Variants in PCDHA11 observed in about 807,000 individuals in gnomAD.
PCDHA11 encodes the protein protocadherin alpha-11.
A neutral mutation model predicts 70.3 loss-of-function variants in PCDHA11; 61 were observed. The ratio of observed to expected loss-of-function variants is 0.87; its 90% CI spans 0.71 to 1.07. PCDHA11 has a LOEUF of 1.07. PCDHA11 is among the 50% of genes least tolerant of loss of function. The pLI is 0.00. For synonymous variants in PCDHA11, 633 were observed against 555.1 expected, an observed-to-expected ratio of 1.14 and a Z score of -1.97; for missense variants, 1,324 against 1,237.5, an observed-to-expected ratio of 1.07 and a Z score of -1.05.
At chr5:140,945,664 C>T (rs1342424562) in intron 1 of PCDHA11, among the ~76,000 whole-genome samples, 1 of 152,048 alleles carries the variant, frequency 6.6e-6, no homozygotes, top group Admixed American at 6.5e-5. Context: ...ATACAGCTCC[C>T]AGAAATAAAT....
At chr5:140,889,267 A>C (rs1376262292) in intron 1 of PCDHA11, among the ~76,000 whole-genome samples, 1 of 151,966 alleles carries the variant, frequency 6.6e-6, no homozygotes. Context: ...AAGTTTGTAT[A>C]ATCTTTGAAT....
chr5:140,993,463 CACACACACACACACA>C (rs2097564014), intron 3 of PCDHA11, among the ~76,000 whole-genome samples: 3 of 7,580 alleles, frequency 4.0e-4, no homozygotes, highest in African/African-American at 2.0e-3. Context: ...CTTTCTTTCT[CACACACACACACACA>C]CACACACACA....
intron 1 of PCDHA11, among the ~76,000 whole-genome samples, chr5:140,894,305 T>A (rs1318862417): frequency 6.6e-6 from 1 of 152,078 alleles, no homozygotes; most frequent in East Asian, 1.9e-4. Context: ...TCCTGGAAAG[T>A]TTTCTTAAAT....
intron 1 of PCDHA11, among the ~76,000 whole-genome samples, chr5:140,896,543 T>C (rs2065615880): frequency 6.6e-6 from 1 of 151,466 alleles, no homozygotes; most frequent in Non-Finnish European, 1.5e-5. Flanking sequence ...TTTCTTTTTT[T>C]TTTTTGTATT....
At chr5:140,906,891 T>C (rs2073026399) in intron 1 of PCDHA11, among the ~76,000 whole-genome samples, 1 of 152,152 alleles carries the variant, frequency 6.6e-6, no homozygotes, top group South Asian at 2.1e-4. Context: ...CCTTCTTAGA[T>C]TGTTGGTTTA....
In PCDHA11 at chr5:140,869,531, C is replaced by A. The variant is rs782191099; in HGVS notation, c.428C>A (p.Ala143Glu). ...CTCAGAGAACAAAAGCTGCTGATTGCGGAATCTAAGCAATCGGACTCGCGT... is the reference window on the plus strand; with the variant it reads ...CTCAGAGAACAAAAGCTGCTGATTGAGGAATCTAAGCAATCGGACTCGCGT... ...FSLREQKLLI[A>E]ESKQSDSRFP... Residue 143 changes from alanine to glutamate, a missense_variant, in exon 1 of 4, where the codon GCG (alanine) becomes GAG (glutamate). Transcript: ENST00000398640. The A allele has an allele frequency of 6.8e-6, 11 of 1,614,032 alleles. No individual in the cohort carries two copies. Among genetic ancestry groups the A allele is most frequent in the African/African-American group, 2.7e-5 (2 of 74,910 alleles).
chr5:140,902,894 A>G (rs1370660183), intron 1 of PCDHA11, among the ~76,000 whole-genome samples: 1 of 152,170 alleles, frequency 6.6e-6, no homozygotes, highest in Non-Finnish European at 1.5e-5. Flanking sequence ...CTATTATTTT[A>G]TTTAGTTTAT....
At chr5:140,956,629 G>A (rs1554222520) in intron 1 of PCDHA11, among the ~76,000 whole-genome samples, 1 of 152,060 alleles carries the variant, frequency 6.6e-6, no homozygotes, top group Non-Finnish European at 1.5e-5. Flanking sequence ...TTGCATCTCT[G>A]CCAGGTTTTG....
chr5:140,869,739 A>G lies in PCDHA11; in HGVS notation c.636A>G (p.Leu212=), dbSNP rs541641507. 5 of 1,613,386 alleles carry G rather than the reference A, an allele frequency of 3.1e-6. No individual in the cohort carries two copies. In the South Asian group the frequency reaches 5.5e-5, roughly 18 times the overall value. ...REKTPELNLL[L]TATDGGKPEL... Reference sequence around the variant, plus strand: ...AAACTCCGGAACTTAATTTGCTGCTAACAGCTACAGACGGGGGAAAACCAG... The same window carrying G: ...AAACTCCGGAACTTAATTTGCTGCTGACAGCTACAGACGGGGGAAAACCAG... The change falls in exon 1 of 4, where the codon CTA becomes CTG. Residue 212 remains leucine (L), a synonymous_variant. Transcript: ENST00000398640.
chr5:140,904,195 C>T (rs1554191353), intron 1 of PCDHA11, among the ~76,000 whole-genome samples: 1 of 151,930 alleles, frequency 6.6e-6, no homozygotes, highest in Admixed American at 6.6e-5. Context: ...CCCACCCTTT[C>T]CCCCTAAGTC....
Position 140,871,139 on chromosome 5 carries a change from C to T in PCDHA11, c.2036C>T (p.Ser679Phe), listed in dbSNP as rs782085001. 8 of 1,613,312 alleles carry T rather than the reference C, an allele frequency of 5.0e-6. No individual in the cohort carries two copies. The African/African-American group carries it at 6.7e-5, about 13-fold the overall frequency. Residue 679 changes from serine to phenylalanine, a missense_variant, in exon 1 of 4, where the codon TCC becomes TTC. By Grantham distance (155) the Ser-to-Phe change is radical. Coordinates refer to ENST00000398640, the MANE Select transcript of PCDHA11 (RefSeq NM_018902.5). ...VESGQAPKAS[S>F]RTLAGAASPE... is the part of the protein sequence containing the mutation. ...AGCGGACAGGCGCCAAAGGCCTCTTCCCGGACTTTGGCGGGCGCCGCGAGC... is the reference window on the plus strand; with the variant it reads ...AGCGGACAGGCGCCAAAGGCCTCTTTCCGGACTTTGGCGGGCGCCGCGAGC...
At chr5:140,932,471 A>G (rs1056932090) in intron 1 of PCDHA11, among the ~76,000 whole-genome samples, 11 of 152,050 alleles carry the variant, frequency 7.2e-5, no homozygotes, top group African/African-American at 1.7e-4. Flanking sequence ...TATAGGAAAT[A>G]GGATATCTCC....
At chr5:140,879,854 C>G (rs2058149387) in intron 1 of PCDHA11, among the ~76,000 whole-genome samples, 1 of 152,200 alleles carries the variant, frequency 6.6e-6, no homozygotes, top group African/African-American at 2.4e-5. Context: ...CCCATCTCAG[C>G]CTTCTCAGCT....
intron 1 of PCDHA11, chr5:140,966,800 G>A: frequency 6.5e-7 from 1 of 1,540,654 alleles, no homozygotes; most frequent in Non-Finnish European, 8.7e-7. Context: ...TGCGGCGACA[G>A]AGCATCCACG....
intron 1 of PCDHA11, among the ~76,000 whole-genome samples, chr5:140,977,448 C>G (rs1265708365): frequency 6.6e-6 from 1 of 152,212 alleles, no homozygotes; most frequent in African/African-American, 2.4e-5. Flanking sequence ...ATAATGGAAA[C>G]TCCTTTGATT....
intron 1 of PCDHA11, chr5:140,967,401 G>C: frequency 6.2e-7 from 1 of 1,611,944 alleles, no homozygotes; most frequent in Non-Finnish European, 8.5e-7. Context: ...CTGGTGCTGC[G>C]TAAGGGCCTA....
At chr5:140,948,259 G>A (rs1430770984) in intron 1 of PCDHA11, among the ~76,000 whole-genome samples, 3 of 151,464 alleles carry the variant, frequency 2.0e-5, no homozygotes, top group Non-Finnish European at 3.0e-5. Context: ...TTACATCTGT[G>A]TTCATGTAGA....
At chr5:140,973,375 C>A (rs2096584404) in intron 1 of PCDHA11, among the ~76,000 whole-genome samples, 1 of 152,182 alleles carries the variant, frequency 6.6e-6, no homozygotes, top group Admixed American at 6.5e-5. Context: ...GCACAATGGT[C>A]AGAATAGACA....
At chr5:140,897,378 C>T (rs992566047) in intron 1 of PCDHA11, among the ~76,000 whole-genome samples, 8 of 144,246 alleles carry the variant, frequency 5.5e-5, no homozygotes, top group Admixed American at 4.3e-4. Context: ...GTTCCCTTCC[C>T]CTTCCTGTGT....
Sources: allele counts gnomAD v4.1 joint callset (sites outside exome capture counted in the v4.1 genomes callset), GRCh38; gene constraint gnomAD v4.1.1; transcripts MANE v1.5; gene names NCBI Gene and HGNC (gene_info 2026-07-23, HGNC 2026-07-21).